The following STPG2 variants were observed in gnomAD, a reference collection of about 807,000 sequenced individuals.
STPG2 encodes sperm tail PG-rich repeat containing 2.
STPG2 carries 56 observed loss-of-function variants against 54.2 expected under a neutral mutation model. The ratio of observed to expected loss-of-function variants is 1.03; its 90% CI spans 0.83 to 1.29. The LOEUF is 1.29. STPG2 is among the 50% of genes most tolerant of loss of function. The probability of loss-of-function intolerance (pLI) is 0.00; values close to 1 mark genes in which losing one functional copy is unlikely to be tolerated. For synonymous variants in STPG2, 200 were observed against 181.8 expected, an observed-to-expected ratio of 1.10 and a Z score of -0.81; for missense variants, 596 against 544.9, an observed-to-expected ratio of 1.09 and a Z score of -0.93.
At chr4:98,055,167 C>A (rs1202554459) in intron 5 of STPG2, among the ~76,000 whole-genome samples, 2 of 151,996 alleles carry the variant, frequency 1.3e-5, no homozygotes, top group Non-Finnish European at 2.9e-5. Context: ...AGAGAACTGC[C>A]AATATAATTT....
At chr4:98,073,635 G>A (rs1472746806) in intron 5 of STPG2, among the ~76,000 whole-genome samples, 1 of 152,122 alleles carries the variant, frequency 6.6e-6, no homozygotes, top group African/African-American at 2.4e-5. Flanking sequence ...GCTGAGACAG[G>A]AGAATTGCTT....
intron 8 of STPG2, among the ~76,000 whole-genome samples, chr4:97,872,096 C>A (rs930544297): frequency 1.3e-5 from 2 of 150,944 alleles, no homozygotes; most frequent in African/African-American, 4.8e-5. Context: ...TACCTACTCA[C>A]AATTTTAACA....
intron 10 of STPG2, among the ~76,000 whole-genome samples, chr4:97,662,256 CA>C (rs1245272920): frequency 6.6e-6 from 1 of 152,012 alleles, no homozygotes; most frequent in Non-Finnish European, 1.5e-5. Flanking sequence ...GACACACAAG[CA>C]GCCAACAAAC....
intron 4 of STPG2, among the ~76,000 whole-genome samples, chr4:97,473,993 T>C (rs1390556470): frequency 6.6e-6 from 1 of 152,120 alleles, no homozygotes; most frequent in Non-Finnish European, 1.5e-5. Flanking sequence ...GAAACTATTC[T>C]ATATAACAAT....
At chr4:97,679,181 G>C (rs1400366818) in intron 10 of STPG2, among the ~76,000 whole-genome samples, 1 of 152,148 alleles carries the variant, frequency 6.6e-6, no homozygotes, top group Non-Finnish European at 1.5e-5. Flanking sequence ...TCTAGTTCTA[G>C]ATCCCTGAGG....
At chr4:97,479,589 A>G (rs940173312) in intron 4 of STPG2, among the ~76,000 whole-genome samples, 16 of 151,934 alleles carry the variant, frequency 1.1e-4, no homozygotes, top group African/African-American at 3.9e-4. Flanking sequence ...ATTGATTAGC[A>G]TCTAGATTTC....
chr4:97,767,151 A>C (rs1560519585), intron 9 of STPG2, among the ~76,000 whole-genome samples: 1 of 152,178 alleles, frequency 6.6e-6, no homozygotes, highest in Non-Finnish European at 1.5e-5. Flanking sequence ...TCAGTTGTTG[A>C]TAATTTGAGA....
intron 5 of STPG2, among the ~76,000 whole-genome samples, chr4:98,099,363 C>G (rs1738957628): frequency 6.6e-6 from 1 of 152,122 alleles, no homozygotes; most frequent in Non-Finnish European, 1.5e-5. Flanking sequence ...AAGCCAGGCA[C>G]AGAAAGACAA....
chr4:97,484,194 C>A (rs1339584972), intron 4 of STPG2, among the ~76,000 whole-genome samples: 1 of 151,290 alleles, frequency 6.6e-6, no homozygotes, highest in Non-Finnish European at 1.5e-5. Context: ...AACCCAAACC[C>A]AGAAGAAGAA....
intron 9 of STPG2, among the ~76,000 whole-genome samples, chr4:97,714,853 G>T (rs1724241333): frequency 6.6e-6 from 1 of 152,008 alleles, no homozygotes; most frequent in African/African-American, 2.4e-5. Flanking sequence ...AACAGGTAAG[G>T]CTATTATCCA....
intron 9 of STPG2, among the ~76,000 whole-genome samples, chr4:97,726,713 G>T (rs1213764117): frequency 1.3e-5 from 2 of 151,668 alleles, no homozygotes; most frequent in Admixed American, 1.3e-4. Context: ...CTGGGACTTT[G>T]AATTAATAAG....
At chr4:97,871,267 C>A (rs1462624800) in intron 8 of STPG2, among the ~76,000 whole-genome samples, 1 of 150,394 alleles carries the variant, frequency 6.6e-6, no homozygotes, top group Non-Finnish European at 1.5e-5. Flanking sequence ...CAAAAGAAAG[C>A]AAAGAAAGGA....
intron 5 of STPG2, among the ~76,000 whole-genome samples, chr4:98,057,268 C>A (rs1422272675): frequency 6.6e-6 from 1 of 152,108 alleles, no homozygotes; most frequent in Non-Finnish European, 1.5e-5. Context: ...AATTGAGCAA[C>A]AGGAATACAT....
At chr4:97,665,106 G>A (rs1722484298) in intron 10 of STPG2, among the ~76,000 whole-genome samples, 1 of 152,162 alleles carries the variant, frequency 6.6e-6, no homozygotes, top group Non-Finnish European at 1.5e-5. Flanking sequence ...AGGAACTGCA[G>A]AGCCCCAAAG....
At chr4:98,062,626 C>T (rs1037114549) in intron 5 of STPG2, among the ~76,000 whole-genome samples, 2 of 151,990 alleles carry the variant, frequency 1.3e-5, no homozygotes, top group East Asian at 1.9e-4. Context: ...TTCAACCTTT[C>T]ACAGATACAA....
At chr4:97,512,866 C>T in intron 4 of STPG2, among the ~76,000 whole-genome samples, 1 of 151,990 alleles carries the variant, frequency 6.6e-6, no homozygotes, top group East Asian at 1.9e-4. Flanking sequence ...ACACACACAC[C>T]TCATACAATT....
At chr4:97,792,262 C>G (rs918251238) in intron 9 of STPG2, among the ~76,000 whole-genome samples, 2 of 152,126 alleles carry the variant, frequency 1.3e-5, no homozygotes, top group Non-Finnish European at 2.9e-5. Flanking sequence ...AAATAAGCTC[C>G]TGATAATCCC....
At chr4:97,786,324 T>G (rs147935454) in intron 9 of STPG2, among the ~76,000 whole-genome samples, 2,962 of 152,222 alleles carry the variant, frequency 0.019, 38 homozygotes, top group South Asian at 0.058. Flanking sequence ...TTTACTTTCT[T>G]AATTTTTTTC....
chr4:98,000,671 C>G (rs1735385905), intron 5 of STPG2, among the ~76,000 whole-genome samples: 1 of 152,030 alleles, frequency 6.6e-6, no homozygotes, highest in Admixed American at 6.6e-5. Flanking sequence ...TAAACAAAAT[C>G]ACATAAACAT....
Sources: allele counts gnomAD v4.1 joint callset (sites outside exome capture counted in the v4.1 genomes callset), GRCh38; gene constraint gnomAD v4.1.1; transcripts MANE v1.5; gene names NCBI Gene and HGNC (gene_info 2026-07-23, HGNC 2026-07-21).